LRFN5: variants seen among roughly 807,000 people sequenced by gnomAD.
LRFN5 encodes leucine-rich repeat and fibronectin type-III domain-containing protein 5.
Under a neutral mutation model 45.6 loss-of-function variants are expected in LRFN5, and 24 were observed. The observed-to-expected ratio is 0.53, with a 90% CI of 0.38 to 0.74. The LOEUF is 0.74. Ranked by LOEUF, LRFN5 falls within the 30% of genes least tolerant of loss-of-function variation. The pLI is 0.00. For synonymous variants in LRFN5, 340 were observed against 313.8 expected, an observed-to-expected ratio of 1.08 and a Z score of -0.88; for missense variants, 776 against 861.5, an observed-to-expected ratio of 0.90 and a Z score of 1.24.
At chr14:41,779,111 A>G (rs942930194) in intron 2 of LRFN5, among the ~76,000 whole-genome samples, 1 of 151,772 alleles carries the variant, frequency 6.6e-6, no homozygotes, top group Non-Finnish European at 1.5e-5. Context: ...GTTTCACATT[A>G]TAGGGTATAT....
chr14:41,698,830 C>T (rs1192148596), intron 1 of LRFN5, among the ~76,000 whole-genome samples: 2 of 151,912 alleles, frequency 1.3e-5, no homozygotes, highest in African/African-American at 4.8e-5. Context: ...TTAGGAGATA[C>T]TTGGCAAAAT....
intron 1 of LRFN5, among the ~76,000 whole-genome samples, chr14:41,744,767 CTTTAAA>C (rs1283360552): frequency 1.3e-5 from 2 of 151,924 alleles, no homozygotes; most frequent in Non-Finnish European, 2.9e-5. Context: ...ATGAAATAAA[CTTTAAA>C]TTTATAAAGC....
At chr14:41,662,127 A>G (rs974988073) in intron 1 of LRFN5, among the ~76,000 whole-genome samples, 2 of 152,024 alleles carry the variant, frequency 1.3e-5, no homozygotes, top group African/African-American at 2.4e-5. Context: ...AGCTTTATTC[A>G]GGGGCCTGGG....
At chr14:41,754,089 C>T (rs949659990) in intron 1 of LRFN5, among the ~76,000 whole-genome samples, 3 of 152,164 alleles carry the variant, frequency 2.0e-5, no homozygotes, top group Non-Finnish European at 4.4e-5. Context: ...TATATTGAAC[C>T]AGCGTTGCAT....
intron 2 of LRFN5, among the ~76,000 whole-genome samples, chr14:41,816,213 C>T (rs748325273): frequency 6.6e-6 from 1 of 151,434 alleles, no homozygotes; most frequent in Non-Finnish European, 1.5e-5. Context: ...AATTCTAATT[C>T]TTCTCTCCTG....
chr14:41,871,901 C>T (rs1368347366), intron 2 of LRFN5, among the ~76,000 whole-genome samples: 1 of 152,170 alleles, frequency 6.6e-6, no homozygotes, highest in Non-Finnish European at 1.5e-5. Flanking sequence ...CTTGTACTTA[C>T]TCCACATATT....
intron 2 of LRFN5, among the ~76,000 whole-genome samples, chr14:41,784,631 T>TTG (rs34858248): frequency 4.0e-5 from 6 of 150,720 alleles, no homozygotes; most frequent in African/African-American, 7.3e-5. Flanking sequence ...GTGTGTGTGT[T>TTG]TGTGTGTGTG....
intron 1 of LRFN5, among the ~76,000 whole-genome samples, chr14:41,624,175 A>C (rs1888240232): frequency 2.0e-5 from 3 of 152,062 alleles, no homozygotes; most frequent in Admixed American, 2.0e-4. Context: ...TACTCCATAT[A>C]TTTCACTAGA....
chr14:41,805,049 A>G (rs1008636754), intron 2 of LRFN5, among the ~76,000 whole-genome samples: 2 of 152,124 alleles, frequency 1.3e-5, no homozygotes, highest in Admixed American at 1.3e-4. Context: ...AATGTGAATC[A>G]AAAAGCAGAT....
At chr14:41,691,057 T>A (rs1882359002) in intron 1 of LRFN5, among the ~76,000 whole-genome samples, 1 of 152,126 alleles carries the variant, frequency 6.6e-6, no homozygotes, top group South Asian at 2.1e-4. Context: ...TGTCTGTTTA[T>A]AGAGACAGAT....
At chr14:41,881,985 T>G (rs1002317036) in intron 2 of LRFN5, among the ~76,000 whole-genome samples, 1 of 152,242 alleles carries the variant, frequency 6.6e-6, no homozygotes, top group East Asian at 1.9e-4. Context: ...ATCACTTCCT[T>G]TTTAATGTTC....
intron 2 of LRFN5, among the ~76,000 whole-genome samples, chr14:41,804,698 A>G (rs912782500): frequency 6.6e-6 from 1 of 152,204 alleles, no homozygotes; most frequent in Non-Finnish European, 1.5e-5. Flanking sequence ...TAAAGGCAAG[A>G]TGGAGGTTGG....
intron 1 of LRFN5, among the ~76,000 whole-genome samples, chr14:41,759,594 C>T (rs574612772): frequency 3.3e-5 from 5 of 152,034 alleles, no homozygotes; most frequent in Non-Finnish European, 4.4e-5. Flanking sequence ...TGATTAACAC[C>T]AGTCCAGGAG....
intron 1 of LRFN5, among the ~76,000 whole-genome samples, chr14:41,760,803 A>G (rs186238672): frequency 1.0e-3 from 154 of 152,118 alleles, no homozygotes; most frequent in African/African-American, 3.6e-3. Flanking sequence ...ACTGGTAGAT[A>G]TAAAGGATCT....
intron 2 of LRFN5, among the ~76,000 whole-genome samples, chr14:41,837,956 C>T (rs1888719902): frequency 6.6e-6 from 1 of 152,138 alleles, no homozygotes; most frequent in African/African-American, 2.4e-5. Flanking sequence ...ACATATACAA[C>T]ATTAACATAT....
At chr14:41,732,318 T>C (rs1405054454) in intron 1 of LRFN5, among the ~76,000 whole-genome samples, 2 of 152,142 alleles carry the variant, frequency 1.3e-5, no homozygotes, top group Non-Finnish European at 2.9e-5. Context: ...CCAACCCCTA[T>C]TGTTGTAAGT....
rs1487036313 is a variant in LRFN5, at chr14:41,822,573, T to G, written c.-21+55544T>G. ...TACTTGTTTTTGGCTGAATATATGG[T>G]CTATTTTGGAAAATGTTCTATATGC... On this transcript the variant is annotated intron_variant, in intron 2 of 5. Coordinates refer to ENST00000298119, the MANE Select transcript of LRFN5 (RefSeq NM_152447.5). Among the ~76,000 whole-genome samples, 5 of 152,080 alleles carry G rather than the reference T, an allele frequency of 3.3e-5. No homozygotes were observed. The East Asian group carries it at 9.6e-4, about 29-fold the overall frequency.
chr14:41,867,100 CT>C (rs1198240275), intron 2 of LRFN5, among the ~76,000 whole-genome samples: 1 of 151,994 alleles, frequency 6.6e-6, no homozygotes, highest in African/African-American at 2.4e-5. Context: ...TAAGACCAGC[CT>C]CCTTAAATCC....
In LRFN5 at chr14:41,638,601, G is replaced by C. The variant is rs538936956; in HGVS notation, c.-197+30039G>C. Among the ~76,000 whole-genome samples, 13 of 152,190 alleles carry C rather than the reference G, an allele frequency of 8.5e-5. No homozygotes were observed. The South Asian group carries it at 2.3e-3, about 27-fold the overall frequency. On this transcript the variant is annotated intron_variant, in intron 1 of 5. Coordinates refer to ENST00000298119, the MANE Select transcript of LRFN5 (RefSeq NM_152447.5). ...AGGTTTCTAGCTTGTAACTCTCCTA[G>C]TATTGTATATTGATTCTGCTTACTG...
Sources: allele counts gnomAD v4.1 joint callset (sites outside exome capture counted in the v4.1 genomes callset), GRCh38; gene constraint gnomAD v4.1.1; transcripts MANE v1.5; gene names NCBI Gene and HGNC (gene_info 2026-07-23, HGNC 2026-07-21).